ADGRV1: variants seen among roughly 807,000 people sequenced by gnomAD.
The protein encoded by ADGRV1 is G-protein coupled receptor 98.
ADGRV1 carries 359 observed loss-of-function variants against 596.2 expected under a neutral mutation model. That is an observed-to-expected ratio of 0.60 (90% CI 0.55 to 0.66). The LOEUF (loss-of-function observed/expected upper bound fraction) is 0.66, where lower values mean the gene tolerates loss of function less well. ADGRV1 is among the 30% of genes least tolerant of loss of function. The probability of loss-of-function intolerance (pLI) is 0.00; values close to 1 mark genes in which losing one functional copy is unlikely to be tolerated. For synonymous variants in ADGRV1, 2,681 were observed against 2,679.2 expected (o/e 1.00, Z -0.02); for missense variants, 7,274 against 7,575.6 (o/e 0.96, Z 1.48).
chr5:91,081,089 G>A (rs769041148), intron 86 of ADGRV1, among the ~76,000 whole-genome samples: 5 of 152,204 alleles, frequency 3.3e-5, no homozygotes, highest in African/African-American at 1.2e-4. Context: ...AGATCAAGGC[G>A]TCAGCTGATT....
chr5:90,599,674 A>G lies in ADGRV1; in HGVS notation c.23-15161A>G, dbSNP rs149703296. ...AAGCCAGAGAAGCCCAATCTCAGAG[A>G]TTTTTCCTTAGAGATATAAGCATAT... is the stretch of plus-strand genomic sequence containing the variant. On this transcript the variant is annotated intron_variant, in intron 1 of 89. Coordinates refer to ENST00000405460, the MANE Select transcript of ADGRV1 (RefSeq NM_032119.4). Among the ~76,000 whole-genome samples the G allele has an allele frequency of 2.6e-3, 402 of 152,136 alleles. 1 individual carries two copies. Among genetic ancestry groups the G allele is most frequent in the African/African-American group, 8.7e-3 (363 of 41,490 alleles).
intron 83 of ADGRV1, among the ~76,000 whole-genome samples, chr5:90,910,645 A>G (rs1025045095): frequency 6.6e-6 from 1 of 151,750 alleles, no homozygotes; most frequent in Non-Finnish European, 1.5e-5. Flanking sequence ...GAGAATAAAC[A>G]TATATATTAT....
At chr5:90,736,962 T>C (rs1197262125) in intron 50 of ADGRV1, among the ~76,000 whole-genome samples, 1 of 151,776 alleles carries the variant, frequency 6.6e-6, no homozygotes, top group Non-Finnish European at 1.5e-5. Context: ...CTTTTATTTA[T>C]TTTTGCTCTT....
At chr5:90,573,209 T>C (rs1756771867) in intron 1 of ADGRV1, among the ~76,000 whole-genome samples, 1 of 152,138 alleles carries the variant, frequency 6.6e-6, no homozygotes, top group Non-Finnish European at 1.5e-5. Flanking sequence ...CTCCAGGATA[T>C]TGCTAAAATC....
rs373106949 is a variant in ADGRV1 at position 90,778,980 on chromosome 5, T to C, written c.12965T>C (p.Leu4322Pro). ...GLDFVPAAGE[L>P]LFEAGEMRKS... ...GATTTTGTTCCTGCAGCAGGGGAGC[T>C]CCTCTTTGAAGCAGGGGAGATGAGG... is the stretch of plus-strand genomic sequence containing the variant. The change falls in exon 64 of 90, where the codon CTC (leucine) becomes CCC (proline). Residue 4322 changes from leucine (L) to proline (P), a missense_variant. Physicochemically the swap from Leu to Pro is moderately conservative, Grantham distance 98. Around this residue, in one of 5 missense-constraint regions of ADGRV1, gnomAD observed 3,643 missense variants for 3,809.2 expected, o/e 0.96. Transcript: ENST00000405460. 1.2e-6 allele frequency: 2 copies of C among 1,613,254 alleles called. No individual in the cohort carries two copies. The highest frequency in any genetic ancestry group is 2.7e-5 in the African/African-American group (2 of 74,836).
chr5:91,097,610 G>A (rs1056644651), intron 86 of ADGRV1, among the ~76,000 whole-genome samples: 14 of 152,094 alleles, frequency 9.2e-5, no homozygotes, highest in African/African-American at 4.8e-5. Flanking sequence ...TTGTTGGATC[G>A]TATGGTAACT....
chr5:91,113,347 G>A (rs1279994014), intron 87 of ADGRV1, among the ~76,000 whole-genome samples: 1 of 152,162 alleles, frequency 6.6e-6, no homozygotes, highest in Non-Finnish European at 1.5e-5. Context: ...CCAAGCAAAA[G>A]CTGTTGCAGG....
At chr5:90,572,254 G>T (rs998646042) in intron 1 of ADGRV1, among the ~76,000 whole-genome samples, 1 of 152,108 alleles carries the variant, frequency 6.6e-6, no homozygotes, top group Non-Finnish European at 1.5e-5. Flanking sequence ...GTTTTGGGTA[G>T]CAGCAAAACA....
At chr5:90,937,508 A>G (rs1581573706) in intron 83 of ADGRV1, among the ~76,000 whole-genome samples, 2 of 135,392 alleles carry the variant, frequency 1.5e-5, no homozygotes, top group South Asian at 4.5e-4. Context: ...CCCAGGCTGG[A>G]GTGCAGTGGC....
At chr5:90,872,225 T>C (rs1348760186) in intron 83 of ADGRV1, among the ~76,000 whole-genome samples, 1 of 152,160 alleles carries the variant, frequency 6.6e-6, no homozygotes, top group Non-Finnish European at 1.5e-5. Context: ...ACCATGAAAT[T>C]TGTTTCCGTT....
chr5:91,129,702 A>G (rs1318705629), intron 87 of ADGRV1, among the ~76,000 whole-genome samples: 1 of 152,222 alleles, frequency 6.6e-6, no homozygotes, highest in Non-Finnish European at 1.5e-5. Context: ...AAGTTCTGCA[A>G]CTATGTTGTT....
In ADGRV1 at chr5:90,643,909, A is replaced by G. The variant is rs560889543; in HGVS notation, c.2660A>G (p.His887Arg). ...ACGATTCTGAAAAATGATGATCCTC[A>G]TGGCATTATAGAATTTGTTTCTGAT... ...NITILKNDDPHGIIEFVSDGL... is the reference protein window; with the variant it reads ...NITILKNDDPRGIIEFVSDGL... Residue 887 changes from histidine to arginine, a missense_variant, in exon 14 of 90, where the codon CAT (histidine) becomes CGT (arginine). Around this residue, in one of 5 missense-constraint regions of ADGRV1, gnomAD observed 1,715 missense variants for 1,708.8 expected, o/e 1.00. Transcript: ENST00000405460. 1.1e-4 allele frequency: 173 copies of G among 1,612,464 alleles called. 1 individual carries two copies. The South Asian group carries it at 1.5e-3, about 14-fold the overall frequency.
At chr5:90,844,174 A>G (rs371437465) in intron 78 of ADGRV1, among the ~76,000 whole-genome samples, 25 of 152,334 alleles carry the variant, frequency 1.6e-4, no homozygotes, top group East Asian at 1.3e-3. Flanking sequence ...GAAATTATAT[A>G]CACTCTAAAA....
At position 90,783,867 on chromosome 5, in the gene ADGRV1, T is replaced by G. The variant is rs1264370345; in HGVS notation, c.13463T>G (p.Leu4488Arg). ...TTTGAGGAGCCCATTGAAATTCTAC[T>G]CACTGGAGCTACTGGAGGAGCGGTC... is the stretch of plus-strand genomic sequence containing the variant. Reference protein sequence around the residue: ...SEFEEPIEILLTGATGGAVLG... With the variant: ...SEFEEPIEILRTGATGGAVLG... The change falls in exon 67 of 90, where the codon CTC becomes CGC. Residue 4488 changes from leucine to arginine, a missense_variant. By Grantham distance (102) the Leu-to-Arg change is moderately radical. Coordinates refer to ENST00000405460, the MANE Select transcript of ADGRV1 (RefSeq NM_032119.4). The G allele has an allele frequency of 1.2e-6, 2 of 1,609,740 alleles. No individual in the cohort carries two copies. Among genetic ancestry groups the G allele is most frequent in the Non-Finnish European group, 1.7e-6 (2 of 1,178,262 alleles).
intron 85 of ADGRV1, among the ~76,000 whole-genome samples, chr5:91,000,411 A>G (rs1159907736): frequency 6.6e-6 from 1 of 152,174 alleles, no homozygotes; most frequent in East Asian, 1.9e-4. Context: ...ATCCCTTGAA[A>G]TGAAATTACT....
intron 83 of ADGRV1, among the ~76,000 whole-genome samples, chr5:90,901,937 C>T (rs970549648): frequency 2.0e-5 from 3 of 151,916 alleles, no homozygotes; most frequent in African/African-American, 7.3e-5. Flanking sequence ...GAATAGTGGC[C>T]TCTTGGGATA....
intron 86 of ADGRV1, among the ~76,000 whole-genome samples, chr5:91,099,729 A>C (rs978301476): frequency 1.3e-5 from 2 of 152,206 alleles, no homozygotes; most frequent in Admixed American, 1.3e-4. Flanking sequence ...TAGATCTCTT[A>C]CCAACACAGA....
chr5:90,706,470 T>C, intron 38 of ADGRV1, 76 bp downstream of exon 38: 1 of 1,272,218 alleles, frequency 7.9e-7, no homozygotes, highest in Admixed American at 2.8e-5. Flanking sequence ...TAAGTTTTAG[T>C]GTACAAGTGC....
At chr5:91,149,521 C>T (rs1373688250) in intron 87 of ADGRV1, among the ~76,000 whole-genome samples, 1 of 152,076 alleles carries the variant, frequency 6.6e-6, no homozygotes, top group African/African-American at 2.4e-5. Context: ...GTCAATTAAA[C>T]CTCTTTTCTT....
Sources: gnomAD v4.1 joint callset for allele counts (sites outside exome capture counted in the v4.1 genomes callset) on GRCh38, gnomAD v4.1.1 for gene constraint, gnomAD v4.1.1 regional missense constraint, MANE v1.5 for transcripts, NCBI Gene and HGNC (gene_info 2026-07-23, HGNC 2026-07-21) for gene names.